Variants in STT3B observed in about 807,000 individuals in gnomAD.
STT3B encodes dolichyl-diphosphooligosaccharide--protein glycosyltransferase subunit STT3B.
In STT3B, 29 loss-of-function variants were observed where a neutral mutation model predicts 96.8. The ratio of observed to expected loss-of-function variants is 0.30; its 90% CI spans 0.22 to 0.41. The LOEUF (loss-of-function observed/expected upper bound fraction) is 0.41, where lower values mean the gene tolerates loss of function less well. Ranked by LOEUF, STT3B falls within the 10% of genes least tolerant of loss-of-function variation. STT3B has a pLI of 1.00. For synonymous variants in STT3B, 367 were observed against 360.0 expected (o/e 1.02, Z -0.22); for missense variants, 640 against 1,022.3 (o/e 0.63, Z 5.10).
intron 5 of STT3B, among the ~76,000 whole-genome samples, chr3:31,614,514 C>CT (rs1177623140): frequency 6.6e-6 from 1 of 151,860 alleles, no homozygotes; most frequent in Non-Finnish European, 1.5e-5. Context: ...TTATTAGATG[C>CT]TAAATTCAGT....
intron 3 of STT3B, among the ~76,000 whole-genome samples, chr3:31,581,876 A>G (rs890023430): frequency 3.3e-5 from 5 of 152,252 alleles, no homozygotes; most frequent in East Asian, 1.9e-4. Context: ...TCTCCTTGCA[A>G]GTTGTCTCTG....
At chr3:31,556,723 T>G (rs1202338947) in intron 1 of STT3B, among the ~76,000 whole-genome samples, 1 of 152,198 alleles carries the variant, frequency 6.6e-6, no homozygotes. Flanking sequence ...TCATGTCCTT[T>G]GCTTATTAAT....
chr3:31,628,028 C>T (rs1422447760), intron 13 of STT3B, among the ~76,000 whole-genome samples: 1 of 151,436 alleles, frequency 6.6e-6, no homozygotes, highest in African/African-American at 2.4e-5. Context: ...AAAAAAGTTC[C>T]TCTATAGGTA....
intron 1 of STT3B, among the ~76,000 whole-genome samples, chr3:31,569,991 C>T (rs1040989164): frequency 2.6e-5 from 4 of 152,000 alleles, no homozygotes; most frequent in Non-Finnish European, 5.9e-5. Flanking sequence ...AAATTTCAAA[C>T]ATACAGCAAA....
At chr3:31,618,089 C>T in intron 8 of STT3B, 101 bp downstream of exon 8, 1 of 795,176 alleles carries the variant, frequency 1.3e-6, no homozygotes, top group Non-Finnish European at 2.2e-6. Context: ...TTGGGCAACA[C>T]TTCTAAGTAC....
intron 1 of STT3B, among the ~76,000 whole-genome samples, chr3:31,553,899 A>G (rs947804721): frequency 1.3e-5 from 2 of 152,132 alleles, no homozygotes; most frequent in African/African-American, 4.8e-5. Context: ...CAGAATGCCC[A>G]AGTTTATTGG....
chr3:31,548,901 A>G (rs575619045), intron 1 of STT3B, among the ~76,000 whole-genome samples: 2 of 152,338 alleles, frequency 1.3e-5, no homozygotes, highest in Admixed American at 1.3e-4. Context: ...AATTTGGGAA[A>G]AAAACTGCTT....
intron 3 of STT3B, among the ~76,000 whole-genome samples, chr3:31,585,375 G>A (rs571803384): frequency 6.6e-6 from 1 of 151,972 alleles, no homozygotes; most frequent in Non-Finnish European, 1.5e-5. Context: ...AGTAATAATT[G>A]TACCTTCCTT....
At chr3:31,591,195 A>G (rs951835501) in intron 3 of STT3B, among the ~76,000 whole-genome samples, 21 of 152,022 alleles carry the variant, frequency 1.4e-4, no homozygotes, top group African/African-American at 4.6e-4. Flanking sequence ...TTTTCCTGGT[A>G]TATTGACCCT....
At chr3:31,599,484 A>G (rs558760371) in intron 4 of STT3B, among the ~76,000 whole-genome samples, 3 of 152,330 alleles carry the variant, frequency 2.0e-5, no homozygotes, top group Non-Finnish European at 2.9e-5. Context: ...AAACTGATGT[A>G]TGTATTGAAA....
At chr3:31,534,106 T>TA (rs1330748032) in intron 1 of STT3B, among the ~76,000 whole-genome samples, 5 of 152,222 alleles carry the variant, frequency 3.3e-5, no homozygotes, top group African/African-American at 1.2e-4. Context: ...CTTACCCTGT[T>TA]AGCCACTGTC....
chr3:31,536,196 A>G (rs1433796987), intron 1 of STT3B, among the ~76,000 whole-genome samples: 4 of 150,304 alleles, frequency 2.7e-5, no homozygotes, highest in Non-Finnish European at 5.9e-5. Flanking sequence ...GCCTGCCATT[A>G]TTACTTTGGG....
chr3:31,613,908 C>T (rs1417758080), intron 5 of STT3B, among the ~76,000 whole-genome samples: 1 of 151,912 alleles, frequency 6.6e-6, no homozygotes, highest in Non-Finnish European at 1.5e-5. Context: ...ACATCTGGTC[C>T]TCCATTAGCT....
chr3:31,544,193 G>A (rs1216101809), intron 1 of STT3B, among the ~76,000 whole-genome samples: 1 of 152,158 alleles, frequency 6.6e-6, no homozygotes, highest in African/African-American at 2.4e-5. Flanking sequence ...TATGATTATA[G>A]TTAATTAATA....
At chr3:31,535,375 C>A (rs1697063137) in intron 1 of STT3B, among the ~76,000 whole-genome samples, 1 of 140,548 alleles carries the variant, frequency 7.1e-6, no homozygotes, top group East Asian at 2.0e-4. Flanking sequence ...TAAAAGTTTT[C>A]TTTTTCCAGC....
intron 1 of STT3B, among the ~76,000 whole-genome samples, chr3:31,572,813 C>T (rs1244073519): frequency 6.6e-6 from 1 of 152,190 alleles, no homozygotes; most frequent in African/African-American, 2.4e-5. Flanking sequence ...GCTGTGATCG[C>T]ACCACTGCAC....
chr3:31,584,751 T>C (rs1698497774), intron 3 of STT3B, among the ~76,000 whole-genome samples: 1 of 152,148 alleles, frequency 6.6e-6, no homozygotes, highest in Admixed American at 6.5e-5. Flanking sequence ...GATTCAGTAT[T>C]TGAAAATTAG....
chr3:31,580,125 T>G (rs956513389), intron 3 of STT3B, 29 bp downstream of exon 3: 1 of 1,595,244 alleles, frequency 6.3e-7, no homozygotes, highest in Non-Finnish European at 8.6e-7. Context: ...TTTGCTGCCA[T>G]TATTACTCGT....
Position 31,616,978 on chromosome 3 carries a change from C to G in STT3B, c.1026C>G (p.Asp342Glu), listed in dbSNP as rs894615290. The G allele has an allele frequency of 3.7e-6, 6 of 1,612,268 alleles. No homozygotes were observed. The highest frequency in any genetic ancestry group is 5.1e-6 in the Non-Finnish European group (6 of 1,178,610). ...ATGCTTTCTTGCAGTATCTGAGAGA[C>G]CGATTAACAAAACAAGAGTTCCAGA... The part of the protein sequence containing the change: ...QAYAFLQYLR[D>E]RLTKQEFQTL... Residue 342 changes from aspartate (D) to glutamate (E), a missense_variant, in exon 7 of 16, where the codon GAC becomes GAG. This residue lies in a region of STT3B where 267 missense variants were observed against 388.3 expected (regional missense o/e 0.69). Transcript: ENST00000295770.
Sources: gnomAD v4.1 joint callset for allele counts (sites outside exome capture counted in the v4.1 genomes callset) on GRCh38, gnomAD v4.1.1 for gene constraint, gnomAD v4.1.1 regional missense constraint, MANE v1.5 for transcripts, NCBI Gene and HGNC (gene_info 2026-07-23, HGNC 2026-07-21) for gene names.